Variants in SLIT3 observed in about 807,000 individuals in gnomAD.
The protein encoded by SLIT3 is slit homolog 3 protein.
In SLIT3, 68 loss-of-function variants were observed where a neutral mutation model predicts 184.0. The ratio of observed to expected loss-of-function variants is 0.37; its 90% CI spans 0.30 to 0.45. The LOEUF (loss-of-function observed/expected upper bound fraction) is 0.45, where lower values mean the gene tolerates loss of function less well. Ranked by LOEUF, SLIT3 falls within the 20% of genes least tolerant of loss-of-function variation. SLIT3 has a pLI of 1.00. For synonymous variants in SLIT3, 831 were observed against 828.6 expected (o/e 1.00, Z -0.05); for missense variants, 1,707 against 2,026.0 (o/e 0.84, Z 3.02).
intron 3 of SLIT3, among the ~76,000 whole-genome samples, chr5:169,198,486 A>T (rs909027017): frequency 6.6e-6 from 1 of 152,208 alleles, no homozygotes; most frequent in African/African-American, 2.4e-5. Flanking sequence ...TGACCTGCGA[A>T]CACAAGTGAT....
intron 6 of SLIT3, among the ~76,000 whole-genome samples, chr5:168,838,526 C>T (rs369686574): frequency 1.3e-5 from 2 of 152,200 alleles, no homozygotes; most frequent in South Asian, 2.1e-4. Context: ...TATTATTATT[C>T]GTTAATCCTC....
At chr5:168,847,048 G>A (rs1758498853) in intron 5 of SLIT3, among the ~76,000 whole-genome samples, 2 of 152,166 alleles carry the variant, frequency 1.3e-5, no homozygotes, top group South Asian at 2.1e-4. Context: ...GAAGTGGTGG[G>A]GACAAGAGTC....
chr5:168,801,252 G>A (rs891651657), intron 9 of SLIT3, among the ~76,000 whole-genome samples: 1 of 152,166 alleles, frequency 6.6e-6, no homozygotes, highest in African/African-American at 2.4e-5. Context: ...AAGAGTCACT[G>A]ATGTCCATGA....
chr5:169,141,569 G>GTATTTTGTATTT (rs1761742002), intron 4 of SLIT3, among the ~76,000 whole-genome samples: 1 of 150,568 alleles, frequency 6.6e-6, no homozygotes, highest in Non-Finnish European at 1.5e-5. Context: ...GAAACCCTGT[G>GTATTTTGTATTT]TCTACTAAAA....
intron 4 of SLIT3, among the ~76,000 whole-genome samples, chr5:169,129,992 G>A (rs1263486839): frequency 1.3e-5 from 2 of 152,138 alleles, no homozygotes; most frequent in African/African-American, 4.8e-5. Flanking sequence ...GGGATTACAG[G>A]TGCCCACAAC....
intron 4 of SLIT3, among the ~76,000 whole-genome samples, chr5:168,891,082 C>T (rs1321629587): frequency 6.6e-6 from 1 of 152,188 alleles, no homozygotes; most frequent in Admixed American, 6.5e-5. Flanking sequence ...TTTCTAAACT[C>T]TTATGCAGTA....
intron 1 of SLIT3, among the ~76,000 whole-genome samples, chr5:169,290,660 ACTAGGGCATACG>A (rs1352194189): frequency 1.4e-5 from 2 of 144,042 alleles, no homozygotes; most frequent in African/African-American, 5.2e-5. Context: ...TAGGGCACGC[ACTAGGGCATACG>A]CTAGGGCACA....
intron 3 of SLIT3, among the ~76,000 whole-genome samples, chr5:169,220,395 T>G (rs1397903182): frequency 6.6e-6 from 1 of 152,136 alleles, no homozygotes; most frequent in Non-Finnish European, 1.5e-5. Flanking sequence ...TTGAAAAATA[T>G]TCAATCTACA....
intron 4 of SLIT3, among the ~76,000 whole-genome samples, chr5:169,160,477 G>A (rs1048537437): frequency 6.6e-6 from 1 of 152,138 alleles, no homozygotes; most frequent in African/African-American, 2.4e-5. Flanking sequence ...CAGTCACAGG[G>A]GGCGATGATG....
At chr5:169,108,407 T>A (rs1484568821) in intron 4 of SLIT3, among the ~76,000 whole-genome samples, 2 of 152,184 alleles carry the variant, frequency 1.3e-5, no homozygotes, top group Non-Finnish European at 2.9e-5. Context: ...CAGGCATGTA[T>A]TCTACCATGG....
chr5:168,831,282 C>T (rs1045693504), intron 6 of SLIT3, among the ~76,000 whole-genome samples: 2 of 100,428 alleles, frequency 2.0e-5, no homozygotes, highest in Admixed American at 1.4e-4. Context: ...GCATATGAGG[C>T]GGGAGGAGTG....
chr5:168,916,563 A>C (rs1173521264), intron 4 of SLIT3, among the ~76,000 whole-genome samples: 1 of 152,268 alleles, frequency 6.6e-6, no homozygotes, highest in Non-Finnish European at 1.5e-5. Flanking sequence ...GTCAATGACC[A>C]GTCATAAACA....
intron 4 of SLIT3, among the ~76,000 whole-genome samples, chr5:168,931,017 G>C (rs765951406): frequency 1.3e-5 from 2 of 152,002 alleles, no homozygotes; most frequent in African/African-American, 4.8e-5. Flanking sequence ...CACTGCCTTC[G>C]TCTCCCCCTC....
At chr5:168,919,214 C>A (rs914232058) in intron 4 of SLIT3, among the ~76,000 whole-genome samples, 1 of 149,624 alleles carries the variant, frequency 6.7e-6, no homozygotes, top group Non-Finnish European at 1.5e-5. Context: ...GAGCCGAGAT[C>A]GCGCCACTGC....
At chr5:169,113,989 G>C (rs1035518600) in intron 4 of SLIT3, among the ~76,000 whole-genome samples, 11 of 152,130 alleles carry the variant, frequency 7.2e-5, no homozygotes, top group Admixed American at 4.6e-4. Context: ...TCAATCAAGT[G>C]AATGTGTGAG....
At chr5:168,972,921 C>T (rs1367588424) in intron 4 of SLIT3, among the ~76,000 whole-genome samples, 3 of 152,190 alleles carry the variant, frequency 2.0e-5, no homozygotes, top group African/African-American at 7.2e-5. Context: ...AGATATCCCC[C>T]ACATGGATTC....
intron 4 of SLIT3, among the ~76,000 whole-genome samples, chr5:168,913,487 G>C (rs907339225): frequency 5.9e-5 from 9 of 152,018 alleles, no homozygotes. Context: ...AAATAATCTG[G>C]CTGGGCATAG....
chr5:169,028,868 C>A (rs191429513), intron 4 of SLIT3, among the ~76,000 whole-genome samples: 3,827 of 152,244 alleles, frequency 0.025, 167 homozygotes, highest in African/African-American at 0.087. Context: ...TTTGGCAACA[C>A]TAGCAAAAGC....
intron 4 of SLIT3, among the ~76,000 whole-genome samples, chr5:169,056,404 T>A (rs1278475562): frequency 1.3e-5 from 2 of 152,196 alleles, no homozygotes; most frequent in African/African-American, 4.8e-5. Context: ...TGTTTACGCA[T>A]ACTTACATGA....
Sources: gnomAD v4.1 joint callset for allele counts (sites outside exome capture counted in the v4.1 genomes callset) on GRCh38, gnomAD v4.1.1 for gene constraint, MANE v1.5 for transcripts, NCBI Gene and HGNC (gene_info 2026-07-23, HGNC 2026-07-21) for gene names.